NKAIN2: variants seen among roughly 807,000 people sequenced by gnomAD.
NKAIN2 encodes the protein sodium/potassium-transporting ATPase subunit beta-1-interacting protein 2.
Under a neutral mutation model 32.6 loss-of-function variants are expected in NKAIN2, and 14 were observed. The observed-to-expected ratio is 0.43, with a 90% confidence interval of 0.28 to 0.67. NKAIN2 has a LOEUF of 0.67. Among genes scored for constraint, NKAIN2 ranks in the 30% least tolerant of loss-of-function variants. The pLI, the probability that NKAIN2 is intolerant of heterozygous loss-of-function variation, is 0.17. For synonymous variants in NKAIN2, 80 were observed against 87.2 expected (o/e 0.92, Z 0.46); for missense variants, 198 against 258.3 (o/e 0.77, Z 1.60).
chr6:124,733,018 G>C (rs1160450141), intron 4 of NKAIN2, among the ~76,000 whole-genome samples: 1 of 151,872 alleles, frequency 6.6e-6, no homozygotes, highest in Non-Finnish European at 1.5e-5. Flanking sequence ...AAAAAAAGTG[G>C]ATGGACCTTA....
At chr6:124,164,218 A>AT (rs575785777) in intron 1 of NKAIN2, among the ~76,000 whole-genome samples, 5 of 152,098 alleles carry the variant, frequency 3.3e-5, no homozygotes, top group East Asian at 3.9e-4. Context: ...ATATACTTTC[A>AT]TTTTTTGCCA....
intron 1 of NKAIN2, among the ~76,000 whole-genome samples, chr6:124,122,774 T>C (rs1423022457): frequency 6.6e-6 from 1 of 152,132 alleles, no homozygotes; most frequent in Non-Finnish European, 1.5e-5. Flanking sequence ...GATAAAACTC[T>C]TTGCCCCTGG....
chr6:124,414,145 A>G (rs1330141731), intron 3 of NKAIN2, among the ~76,000 whole-genome samples: 1 of 152,110 alleles, frequency 6.6e-6, no homozygotes, highest in African/African-American at 2.4e-5. Flanking sequence ...TTTTACCATT[A>G]AATAGAATGT....
intron 1 of NKAIN2, among the ~76,000 whole-genome samples, chr6:124,187,670 A>G (rs796369299): frequency 6.6e-5 from 10 of 152,276 alleles, no homozygotes; most frequent in African/African-American, 2.4e-4. Flanking sequence ...TTCTCTGTCT[A>G]CCGTCCATTG....
intron 1 of NKAIN2, among the ~76,000 whole-genome samples, chr6:123,953,742 G>A (rs1777433449): frequency 6.6e-6 from 1 of 152,296 alleles, no homozygotes; most frequent in South Asian, 2.1e-4. Context: ...CAGGTCCCAT[G>A]GTGGTGCTTG....
chr6:123,979,814 A>G (rs1246090537), intron 1 of NKAIN2, among the ~76,000 whole-genome samples: 1 of 152,174 alleles, frequency 6.6e-6, no homozygotes, highest in African/African-American at 2.4e-5. Flanking sequence ...TCTCATTTGA[A>G]TAGGTAATGA....
chr6:124,625,477 T>A (rs1056206373), intron 3 of NKAIN2, among the ~76,000 whole-genome samples: 1 of 152,148 alleles, frequency 6.6e-6, no homozygotes, highest in African/African-American at 2.4e-5. Context: ...AGTCCTTTGT[T>A]TCATTTTTAT....
intron 4 of NKAIN2, among the ~76,000 whole-genome samples, chr6:124,673,048 C>G (rs1339723313): frequency 6.6e-6 from 1 of 151,986 alleles, no homozygotes; most frequent in African/African-American, 2.4e-5. Context: ...CTCATTTTCT[C>G]CCTTCCCCAA....
chr6:124,062,946 G>A (rs1286604263), intron 1 of NKAIN2, among the ~76,000 whole-genome samples: 1 of 152,094 alleles, frequency 6.6e-6, no homozygotes, highest in Non-Finnish European at 1.5e-5. Flanking sequence ...TGTAATCCCA[G>A]CAATTTGGTA....
At chr6:124,602,283 G>A (rs1583502409) in intron 3 of NKAIN2, among the ~76,000 whole-genome samples, 2 of 151,916 alleles carry the variant, frequency 1.3e-5, no homozygotes, top group African/African-American at 2.4e-5. Context: ...CTATTTGTAA[G>A]TGTGAAGACT....
chr6:124,108,820 G>T (rs935711818), intron 1 of NKAIN2, among the ~76,000 whole-genome samples: 2 of 151,918 alleles, frequency 1.3e-5, no homozygotes, highest in Non-Finnish European at 2.9e-5. Flanking sequence ...AGATACACTG[G>T]CAATCTTGTC....
At chr6:124,797,293 A>G (rs1763522108) in intron 5 of NKAIN2, among the ~76,000 whole-genome samples, 2 of 152,038 alleles carry the variant, frequency 1.3e-5, no homozygotes, top group African/African-American at 4.8e-5. Flanking sequence ...TTGGTCCTCT[A>G]GCAAATGGGT....
intron 1 of NKAIN2, among the ~76,000 whole-genome samples, chr6:124,231,649 G>A (rs1792467035): frequency 6.6e-6 from 1 of 152,022 alleles, no homozygotes; most frequent in Admixed American, 6.6e-5. Context: ...GAGTTTCCCT[G>A]CACAAGCTCT....
At chr6:124,636,414 G>C (rs938537242) in intron 3 of NKAIN2, among the ~76,000 whole-genome samples, 2 of 151,762 alleles carry the variant, frequency 1.3e-5, no homozygotes, top group African/African-American at 4.8e-5. Context: ...GAAAAGAAAT[G>C]AAGATCAGAA....
chr6:124,042,698 G>A (rs945887803), intron 1 of NKAIN2, among the ~76,000 whole-genome samples: 3 of 152,060 alleles, frequency 2.0e-5, no homozygotes, highest in Non-Finnish European at 4.4e-5. Flanking sequence ...TGAATGCATG[G>A]TATAGAGCTA....
intron 3 of NKAIN2, among the ~76,000 whole-genome samples, chr6:124,410,024 G>A (rs1008495519): frequency 6.6e-6 from 1 of 152,104 alleles, no homozygotes; most frequent in African/African-American, 2.4e-5. Context: ...GTATTTCTGT[G>A]GGATCGGTGG....
At chr6:124,065,135 G>A (rs931873703) in intron 1 of NKAIN2, among the ~76,000 whole-genome samples, 46 of 151,872 alleles carry the variant, frequency 3.0e-4, no homozygotes, top group African/African-American at 9.7e-4. Flanking sequence ...TTCCACAAAG[G>A]TAAAGATTTT....
chr6:124,238,545 A>AAAATATAGCTT (rs1792899012), intron 1 of NKAIN2, among the ~76,000 whole-genome samples: 2 of 152,168 alleles, frequency 1.3e-5, no homozygotes, highest in Non-Finnish European at 2.9e-5. Flanking sequence ...CTTGGAAAAC[A>AAAATATAGCTT]GGATGACTGA....
chr6:124,693,102 G>T (rs1370086679), intron 4 of NKAIN2, among the ~76,000 whole-genome samples: 1 of 152,074 alleles, frequency 6.6e-6, no homozygotes, highest in Non-Finnish European at 1.5e-5. Flanking sequence ...GTAAAAACAG[G>T]GTCGTTTGTA....
Sources: gnomAD v4.1 joint callset for allele counts (sites outside exome capture counted in the v4.1 genomes callset) on GRCh38, gnomAD v4.1.1 for gene constraint, MANE v1.5 for transcripts, NCBI Gene and HGNC (gene_info 2026-07-23, HGNC 2026-07-21) for gene names.